The following FBXO22 variants were observed in gnomAD, a reference collection of about 807,000 sequenced individuals.
FBXO22 encodes the protein F-box protein 22.
In FBXO22, 13 loss-of-function variants were observed where a neutral mutation model predicts 37.2. The ratio of observed to expected loss-of-function variants is 0.35; its 90% CI spans 0.23 to 0.56. The LOEUF (loss-of-function observed/expected upper bound fraction) is 0.56. FBXO22 is among the 20% of genes least tolerant of loss of function. FBXO22 has a pLI of 0.87. For synonymous variants in FBXO22, 189 were observed against 189.1 expected, an observed-to-expected ratio of 1.00 and a Z score of 0.00; for missense variants, 446 against 509.9, an observed-to-expected ratio of 0.87 and a Z score of 1.21.
At chr15:75,926,000 A>C (rs1900432381) in intron 5 of FBXO22, among the ~76,000 whole-genome samples, 1 of 152,244 alleles carries the variant, frequency 6.6e-6, no homozygotes, top group Non-Finnish European at 1.5e-5. Context: ...CCAATCCTAC[A>C]TGGCAGGTCA....
rs1168040238 is a variant in FBXO22 at position 75,939,005 on chromosome 15, CAAAA to C, written c.*5906_*5909del. ...AGACATAAATGCTTACATTAAAAAA[CAAAA>C]AAGACCTCATGTCAACAACCTGACT... On this transcript the variant is annotated 3_prime_UTR_variant, in exon 7 of 7. Transcript: ENST00000308275. 1.3e-5 allele frequency: 2 copies of C among 151,882 alleles called. No individual in the cohort carries two copies. The highest frequency in any genetic ancestry group is 2.4e-5 in the African/African-American group (1 of 41,396). 9.4% of individuals were successfully genotyped at this position (151,882 alleles called of 1,614,324 possible).
At chr15:75,922,736 A>G (rs1293836170) in intron 5 of FBXO22, among the ~76,000 whole-genome samples, 1 of 152,152 alleles carries the variant, frequency 6.6e-6, no homozygotes, top group African/African-American at 2.4e-5. Flanking sequence ...GAGACACTGG[A>G]AGCGGGAGAC....
intron 2 of FBXO22, among the ~76,000 whole-genome samples, chr15:75,910,838 C>T (rs1215358265): frequency 6.6e-6 from 1 of 152,118 alleles, no homozygotes; most frequent in Non-Finnish European, 1.5e-5. Flanking sequence ...AGTCTTTGCC[C>T]ATGCCTATGT....
At chr15:75,919,868 G>A (rs1178850105) in intron 5 of FBXO22, among the ~76,000 whole-genome samples, 2 of 152,210 alleles carry the variant, frequency 1.3e-5, no homozygotes, top group Non-Finnish European at 2.9e-5. Flanking sequence ...TGGAGGTACT[G>A]TATGCCAGAT....
rs1015808510 is a variant in FBXO22 at position 75,930,894 on chromosome 15, A to G, written c.794+845A>G. 6.2e-6 allele frequency: 6 copies of G among 963,474 alleles called. No homozygotes were observed. In the African/African-American group the frequency reaches 8.8e-5, roughly 14 times the overall value. 59.7% of individuals were successfully genotyped at this position (963,474 alleles called of 1,614,324 possible). Reference sequence around the variant, plus strand: ...AGTATCTATAAGAATAATGTAAGTCATCCTAGTTATAGTCTCTCTTCTGGT... The same window carrying G: ...AGTATCTATAAGAATAATGTAAGTCGTCCTAGTTATAGTCTCTCTTCTGGT... On this transcript the variant is annotated intron_variant, in intron 6 of 6. Coordinates refer to ENST00000308275, the MANE Select transcript of FBXO22 (RefSeq NM_147188.3).
Position 75,904,280 on chromosome 15 carries a change from G to A in FBXO22, c.140+177G>A, listed in dbSNP as rs1254593903. The A allele has an allele frequency of 5.4e-6, 6 of 1,121,472 alleles. No individual in the cohort carries two copies. In the Admixed American group the frequency reaches 1.7e-4, roughly 33 times the overall value. 69.5% of individuals were successfully genotyped at this position (1,121,472 alleles called of 1,614,324 possible). A position where few individuals can be genotyped will look rare whatever the true frequency, so the allele number is the denominator to read the frequency against. On this transcript the variant is annotated intron_variant, in intron 1 of 6. Transcript: ENST00000308275. ...ATCTCCCAGCCGTGGTGCCCCGGGG[G>A]GACTTCCCTGAGGGGCGAAGTTCCC...
chr15:75,904,362 T>G, intron 1 of FBXO22, 129 bp from the exon 2 acceptor site: 1 of 1,388,538 alleles, frequency 7.2e-7, no homozygotes, highest in Non-Finnish European at 1.0e-6. Flanking sequence ...GACTGACACC[T>G]ACCTACCCCG....
intron 2 of FBXO22, 23 bp from the exon 3 acceptor site, chr15:75,913,180 C>G: frequency 1.3e-6 from 2 of 1,514,862 alleles, no homozygotes; most frequent in Non-Finnish European, 1.8e-6. Flanking sequence ...GATCCAATTC[C>G]AATTTTTTTT....
rs1423041062 is a variant in FBXO22 at position 75,935,511 on chromosome 15, A to G, written c.*2409A>G. ...CCTTTGTATAAGGCTTAAGCAAGGA[A>G]TATATTTCCATGCCCTTTGATCCAA... On this transcript the variant is annotated 3_prime_UTR_variant, in exon 7 of 7. Coordinates refer to ENST00000308275, the MANE Select transcript of FBXO22 (RefSeq NM_147188.3). The G allele has an allele frequency of 1.3e-5, 2 of 151,940 alleles. No homozygotes were observed. The highest frequency in any genetic ancestry group is 4.8e-5 in the African/African-American group (2 of 41,346). 9.4% of individuals were successfully genotyped at this position (151,940 alleles called of 1,614,324 possible). A position where few individuals can be genotyped will look rare whatever the true frequency, so the allele number is the denominator to read the frequency against.
intron 2 of FBXO22, among the ~76,000 whole-genome samples, chr15:75,909,965 G>A (rs1900017082): frequency 6.6e-6 from 1 of 151,956 alleles, no homozygotes; most frequent in Non-Finnish European, 1.5e-5. Flanking sequence ...CCTTCCCTGT[G>A]TCCATGTGTT....
chr15:75,908,828 T>G (rs1223194267), intron 2 of FBXO22, among the ~76,000 whole-genome samples: 1 of 152,210 alleles, frequency 6.6e-6, no homozygotes, highest in Admixed American at 6.5e-5. Context: ...ACATTGGCAT[T>G]CAGTTTACAT....
intron 5 of FBXO22, among the ~76,000 whole-genome samples, chr15:75,918,335 ACT>A (rs1445104178): frequency 6.6e-6 from 1 of 151,642 alleles, no homozygotes; most frequent in African/African-American, 2.4e-5. Flanking sequence ...AAAAAAAAAA[ACT>A]TGCAAGTCAT....
At chr15:75,930,577 G>A in intron 6 of FBXO22, 1 of 985,638 alleles carries the variant, frequency 1.0e-6, no homozygotes, top group Non-Finnish European at 1.2e-6. Flanking sequence ...TCTTTTGAAA[G>A]GCTTTTTCAA....
In FBXO22 at chr15:75,938,212, A is replaced by G. The variant is rs1324682585; in HGVS notation, c.*5110A>G. On this transcript the variant is annotated 3_prime_UTR_variant, in exon 7 of 7. Coordinates refer to ENST00000308275, the MANE Select transcript of FBXO22 (RefSeq NM_147188.3). ...AAAAGGAAGAGAGACTTCAGTGATC[A>G]CACACAGAAGGAATAGTCTTTTATA... is the stretch of plus-strand genomic sequence containing the variant. The G allele has an allele frequency of 6.6e-6, 1 of 152,240 alleles. No individual in the cohort carries two copies. The highest frequency in any genetic ancestry group is 1.5e-5 in the Non-Finnish European group (1 of 68,032). The allele number at this position is 152,240 out of a possible 1,614,324, so 9.4% of individuals were successfully genotyped here.
chr15:75,922,996 G>A (rs1900361064), intron 5 of FBXO22, among the ~76,000 whole-genome samples: 1 of 152,136 alleles, frequency 6.6e-6, no homozygotes, highest in African/African-American at 2.4e-5. Context: ...TTTGGCTGTT[G>A]ATTCAGTGCT....
intron 3 of FBXO22, 129 bp downstream of exon 3, chr15:75,913,419 C>T (rs930172135): frequency 5.2e-6 from 3 of 579,224 alleles, no homozygotes; most frequent in Middle Eastern, 9.3e-4. Flanking sequence ...CTGTAGTATG[C>T]ATCAATATAT....
chr15:75,911,925 T>G (rs1900062775), intron 2 of FBXO22, among the ~76,000 whole-genome samples: 2 of 149,790 alleles, frequency 1.3e-5, no homozygotes, highest in African/African-American at 2.5e-5. Flanking sequence ...CTTATTATTT[T>G]GAGATACGTT....
rs1392417052 is a variant in FBXO22, at chr15:75,912,038, G to A, written c.280-1165G>A. On this transcript the variant is annotated intron_variant, in intron 2 of 6. Transcript: ENST00000308275. ...TGAGATACTCGTGGTTTTTGTCATC[G>A]GTTCTGTTTATATGATGTATATGTT... 4.0e-5 allele frequency among the ~76,000 whole-genome samples: 6 copies of A among 151,392 alleles called. No individual in the cohort carries two copies. In the East Asian group the frequency reaches 9.7e-4, roughly 24 times the overall value.
At chr15:75,910,714 G>T (rs143863360) in intron 2 of FBXO22, among the ~76,000 whole-genome samples, 2,471 of 152,216 alleles carry the variant, frequency 0.016, 37 homozygotes, top group South Asian at 0.032. Flanking sequence ...TCTGTAGGTT[G>T]CCTGTTCACT....
Sources: allele counts gnomAD v4.1 joint callset (sites outside exome capture counted in the v4.1 genomes callset), GRCh38; gene constraint gnomAD v4.1.1; transcripts MANE v1.5; gene names NCBI Gene and HGNC (gene_info 2026-07-23, HGNC 2026-07-21).